Variants in TGFBRAP1 observed in about 807,000 individuals in gnomAD.
The protein encoded by TGFBRAP1 is transforming growth factor-beta receptor-associated protein 1.
A neutral mutation model predicts 83.2 loss-of-function variants in TGFBRAP1; 20 were observed. The observed-to-expected ratio is 0.24, with a 90% CI of 0.17 to 0.35. TGFBRAP1 has a LOEUF of 0.35. TGFBRAP1 is among the 10% of genes least tolerant of loss of function. The probability of loss-of-function intolerance (pLI) is 1.00; values close to 1 mark genes in which losing one functional copy is unlikely to be tolerated. For missense variants in TGFBRAP1, 950 were observed against 1,099.4 expected (o/e 0.86, Z 1.92); for synonymous variants, 415 against 459.8 (o/e 0.90, Z 1.25).
At chr2:105,316,458 TGTGTGCGCGCGCGC>T (rs760943855) in intron 1 of TGFBRAP1, among the ~76,000 whole-genome samples, 23 of 67,070 alleles carry the variant, frequency 3.4e-4, no homozygotes, top group Admixed American at 1.1e-3. Flanking sequence ...TGTGTGTGTG[TGTGTGCGCGCGCGC>T]GCGCGCGCAC....
intron 6 of TGFBRAP1, among the ~76,000 whole-genome samples, chr2:105,278,721 G>A (rs959736802): frequency 1.3e-5 from 2 of 151,984 alleles, no homozygotes; most frequent in Admixed American, 6.6e-5. Flanking sequence ...ACCAGTGAGG[G>A]GTCAAGCATC....
In TGFBRAP1 at chr2:105,269,188, C is replaced by G; in HGVS notation, c.2406+84G>C. On this transcript the variant is annotated intron_variant, in intron 11 of 11. Coordinates refer to ENST00000393359, the MANE Select transcript of TGFBRAP1 (RefSeq NM_004257.6). The surrounding 1 kb of genome is among the most constrained non-coding windows in gnomAD (Gnocchi z 4.1). ...TAGAGACAGAAAAAAGAAAAACCAACAAAGACTATTTTTCCATCAGTAAAA... is the reference window on the plus strand; with the variant it reads ...TAGAGACAGAAAAAAGAAAAACCAAGAAAGACTATTTTTCCATCAGTAAAA... 7.0e-7 allele frequency: 1 copy of G among 1,432,962 alleles called. No homozygotes were observed. Among genetic ancestry groups the G allele is most frequent in the East Asian group, 2.5e-5 (1 of 40,098 alleles). The allele number at this position is 1,432,962 out of a possible 1,614,324, so 88.8% of individuals were successfully genotyped here.
At chr2:105,274,986 C>T (rs903649299) in intron 8 of TGFBRAP1, among the ~76,000 whole-genome samples, 1 of 152,230 alleles carries the variant, frequency 6.6e-6, no homozygotes, top group Non-Finnish European at 1.5e-5. Flanking sequence ...TGTCCTGAGC[C>T]TGCTACCTTC....
chr2:105,269,178 G>T lies in TGFBRAP1; in HGVS notation c.2406+94C>A. 7.1e-7 allele frequency: 1 copy of T among 1,415,614 alleles called. No homozygotes were observed. Among genetic ancestry groups the T allele is most frequent in the Non-Finnish European group, 9.3e-7 (1 of 1,072,392 alleles). 87.7% of individuals were successfully genotyped at this position (1,415,614 alleles called of 1,614,324 possible). A position where few individuals can be genotyped will look rare whatever the true frequency, so the allele number is the denominator to read the frequency against. On this transcript the variant is annotated intron_variant, in intron 11 of 11. Transcript: ENST00000393359. The surrounding 1 kb of genome is among the most constrained non-coding windows in gnomAD (Gnocchi z 4.1). The stretch of plus-strand genomic sequence containing the variant: ...GTTGTAGTCATAGAGACAGAAAAAA[G>T]AAAAACCAACAAAGACTATTTTTCC...
At chr2:105,300,434 C>CTTTTTT (rs769660664) in intron 2 of TGFBRAP1, among the ~76,000 whole-genome samples, 3 of 119,040 alleles carry the variant, frequency 2.5e-5, no homozygotes, top group Admixed American at 9.2e-5. Context: ...GGAGTAAAAT[C>CTTTTTT]TTTTTTTTTT....
At chr2:105,261,290 C>T (rs931192532), downstream of TGFBRAP1, among the ~76,000 whole-genome samples, 2 of 152,116 alleles carry the variant, frequency 1.3e-5, no homozygotes, top group Non-Finnish European at 2.9e-5. Flanking sequence ...AAGCACGTAG[C>T]GTCATCTTAG....
At position 105,298,665 on chromosome 2, in the gene TGFBRAP1, G is replaced by A. The variant is rs374371268; in HGVS notation, c.729C>T (p.Pro243=). The change falls in exon 3 of 12, where the codon CCC becomes CCT. Residue 243 remains proline (P), a synonymous_variant. Coordinates refer to ENST00000393359, the MANE Select transcript of TGFBRAP1 (RefSeq NM_004257.6). ...ATVAGISQRA[P]VHWSENVIGA... is the part of the protein sequence containing the mutation. ...CAATCACATTCTCCGACCAGTGCAC[G>A]GGGGCGCGCTGGGATATCCCTGCGA... 54 of 1,607,338 alleles carry A rather than the reference G, an allele frequency of 3.4e-5. No homozygotes were observed. Among genetic ancestry groups the A allele is most frequent in the Middle Eastern group, 1.7e-4 (1 of 6,058 alleles).
At position 105,266,590 on chromosome 2, in the gene TGFBRAP1, C is replaced by T. The variant is rs1676943142; in HGVS notation, c.*793G>A. On this transcript the variant is annotated 3_prime_UTR_variant, in exon 12 of 12. Coordinates refer to ENST00000393359, the MANE Select transcript of TGFBRAP1 (RefSeq NM_004257.6). ...GAGCACACAGCTGGGCCCTTGCCCG[C>T]CGTGGGTTTCCCGTGTCCGCGGCTT... The T allele has an allele frequency of 6.6e-6, 1 of 152,214 alleles. No individual in the cohort carries two copies. Among genetic ancestry groups the T allele is most frequent in the Non-Finnish European group, 1.5e-5 (1 of 68,044 alleles). The allele number at this position is 152,214 out of a possible 1,614,324, so 9.4% of individuals were successfully genotyped here. A position where few individuals can be genotyped will look rare whatever the true frequency, so the allele number is the denominator to read the frequency against.
chr2:105,275,505 T>G, intron 8 of TGFBRAP1, 55 bp downstream of exon 8: 2 of 1,593,082 alleles, frequency 1.3e-6, no homozygotes. Flanking sequence ...GCTTTTGGGG[T>G]CTGTTTTTAC....
At chr2:105,286,603 G>A (rs1046893562) in intron 4 of TGFBRAP1, among the ~76,000 whole-genome samples, 1 of 152,160 alleles carries the variant, frequency 6.6e-6, no homozygotes, top group African/African-American at 2.4e-5. Context: ...ATAAGGCAGT[G>A]GTGCAAATTG....
At chr2:105,309,774 GTC>G (rs558150650) in intron 1 of TGFBRAP1, among the ~76,000 whole-genome samples, 48 of 152,290 alleles carry the variant, frequency 3.2e-4, no homozygotes, top group African/African-American at 1.1e-3. Flanking sequence ...TGGTCAGAAT[GTC>G]TGTGTCCCCC....
chr2:105,292,140 C>A (rs1039913759), intron 4 of TGFBRAP1, among the ~76,000 whole-genome samples: 2 of 152,126 alleles, frequency 1.3e-5, no homozygotes, highest in African/African-American at 4.8e-5. Flanking sequence ...CTTTAGAAAA[C>A]CAAAATGACT....
intron 6 of TGFBRAP1, among the ~76,000 whole-genome samples, chr2:105,279,467 C>T (rs1317864934): frequency 6.6e-6 from 1 of 152,038 alleles, no homozygotes; most frequent in Non-Finnish European, 1.5e-5. Flanking sequence ...TACTGTGTTG[C>T]CCAAGCTGGC....
At chr2:105,311,154 A>AAC (rs1553407528) in intron 1 of TGFBRAP1, among the ~76,000 whole-genome samples, 30 of 144,344 alleles carry the variant, frequency 2.1e-4, no homozygotes, top group African/African-American at 7.1e-4. Flanking sequence ...GTAAAAAAAA[A>AAC]AAAAAAACAA....
intron 1 of TGFBRAP1, among the ~76,000 whole-genome samples, chr2:105,321,757 A>T (rs1679075023): frequency 6.6e-6 from 1 of 152,238 alleles, no homozygotes; most frequent in Non-Finnish European, 1.5e-5. Flanking sequence ...AACTGTTGGA[A>T]CATTGTAGCA....
chr2:105,303,780 C>A (rs1280622454), intron 2 of TGFBRAP1, among the ~76,000 whole-genome samples: 1 of 152,050 alleles, frequency 6.6e-6, no homozygotes, highest in Non-Finnish European at 1.5e-5. Context: ...TTTTAAAAAC[C>A]CTGAATCTCC....
intron 2 of TGFBRAP1, among the ~76,000 whole-genome samples, chr2:105,302,009 T>TAAAAAAAAAAAA (rs35548542): frequency 1.3e-5 from 1 of 75,090 alleles, no homozygotes; most frequent in Non-Finnish European, 2.6e-5. Flanking sequence ...TAAAGAATAC[T>TAAAAAAAAAAAA]AAAAAAAAAA....
chr2:105,273,427 A>C, intron 9 of TGFBRAP1, 117 bp downstream of exon 9: 1 of 1,394,184 alleles, frequency 7.2e-7, no homozygotes, highest in Non-Finnish European at 9.7e-7. Context: ...ACCATCAACA[A>C]GTACGGATGG....
chr2:105,250,615 C>T, the TGFBRAP1 span, among the ~76,000 whole-genome samples: 1 of 134,852 alleles, frequency 7.4e-6, no homozygotes, highest in Non-Finnish European at 1.6e-5. Flanking sequence ...CCTCTCCCTC[C>T]TCTCCCTCTC....
Sources: allele counts gnomAD v4.1 joint callset (sites outside exome capture counted in the v4.1 genomes callset), GRCh38; gene constraint gnomAD v4.1.1; non-coding constraint Gnocchi (gnomAD v3.1); transcripts MANE v1.5; gene names NCBI Gene and HGNC (gene_info 2026-07-23, HGNC 2026-07-21).